Variants in KCNIP1 observed in about 807,000 individuals in gnomAD.
The protein encoded by KCNIP1 is potassium voltage-gated channel interacting protein 1.
A neutral mutation model predicts 33.0 loss-of-function variants in KCNIP1; 18 were observed. That is an observed-to-expected ratio of 0.55 (90% CI 0.38 to 0.81). The LOEUF (loss-of-function observed/expected upper bound fraction) is 0.81, where lower values mean the gene tolerates loss of function less well. Ranked by LOEUF, KCNIP1 falls within the 30% of genes least tolerant of loss-of-function variation. The pLI is 0.00. For missense variants in KCNIP1, 238 were observed against 271.6 expected (o/e 0.88, Z 0.87); for synonymous variants, 93 against 98.3 (o/e 0.95, Z 0.32).
chr5:170,508,212 C>T (rs928243121), intron 1 of KCNIP1, among the ~76,000 whole-genome samples: 3 of 152,208 alleles, frequency 2.0e-5, no homozygotes, highest in African/African-American at 7.2e-5. Flanking sequence ...GCATGCAGAA[C>T]TTTCTGAAAG....
At chr5:170,453,980 C>A (rs1267068090) in intron 1 of KCNIP1, among the ~76,000 whole-genome samples, 1 of 152,166 alleles carries the variant, frequency 6.6e-6, no homozygotes, top group African/African-American at 2.4e-5. Context: ...CTTGTGAGAC[C>A]TGGGGAAAAG....
intron 1 of KCNIP1, among the ~76,000 whole-genome samples, chr5:170,505,627 A>T (rs1581251054): frequency 6.6e-6 from 1 of 152,140 alleles, no homozygotes; most frequent in Non-Finnish European, 1.5e-5. Context: ...TAGAAGTGTA[A>T]TGGGGTAAGG....
At position 170,381,091 on chromosome 5, in the gene KCNIP1, G is replaced by T. The variant is rs1764220358; in HGVS notation, c.88+27127G>T. On this transcript the variant is annotated intron_variant, in intron 1 of 7. Transcript: ENST00000377360. ...TCTATGGATGAGCTCTGAAGTAGAG[G>T]CTTCTGTCCATCCTGGGCCTAGTGT... 2.6e-5 allele frequency among the ~76,000 whole-genome samples: 4 copies of T among 152,162 alleles called. 1 individual carries two copies. In the South Asian group the frequency reaches 8.3e-4, roughly 32 times the overall value.
intron 1 of KCNIP1, among the ~76,000 whole-genome samples, chr5:170,531,204 C>T (rs73313474): frequency 0.054 from 8,276 of 152,038 alleles, 760 homozygotes; most frequent in African/African-American, 0.19. Context: ...AGGGGATCAA[C>T]GAGGGGAATT....
chr5:170,631,364 C>T (rs1206955194), intron 1 of KCNIP1, among the ~76,000 whole-genome samples: 3 of 152,168 alleles, frequency 2.0e-5, no homozygotes, highest in Non-Finnish European at 4.4e-5. Context: ...GAGGGTGCAG[C>T]TGCTGTCCAC....
At chr5:170,524,824 G>A (rs1307151739) in intron 1 of KCNIP1, among the ~76,000 whole-genome samples, 2 of 152,154 alleles carry the variant, frequency 1.3e-5, no homozygotes, top group Non-Finnish European at 2.9e-5. Flanking sequence ...AGGCCCGGCT[G>A]CCCTGGCATG....
chr5:170,451,704 T>C (rs2113074527), intron 1 of KCNIP1, among the ~76,000 whole-genome samples: 1 of 149,920 alleles, frequency 6.7e-6, no homozygotes, highest in African/African-American at 2.5e-5. Context: ...TCCGGACAGT[T>C]GCTTCAGCTT....
intron 1 of KCNIP1, among the ~76,000 whole-genome samples, chr5:170,695,801 A>T (rs1762869939): frequency 6.6e-6 from 1 of 152,130 alleles, no homozygotes; most frequent in Non-Finnish European, 1.5e-5. Context: ...CGGGTGGATC[A>T]TGAGGTCAGG....
chr5:170,385,567 T>A, intron 1 of KCNIP1: 1 of 1,102,452 alleles, frequency 9.1e-7, no homozygotes, highest in Non-Finnish European at 1.3e-6. Flanking sequence ...ACTCAACTAT[T>A]AATATCACTC....
upstream of KCNIP1, among the ~76,000 whole-genome samples, chr5:170,501,359 AG>A (rs1490488678): frequency 6.6e-6 from 1 of 152,156 alleles, no homozygotes; most frequent in Non-Finnish European, 1.5e-5. Flanking sequence ...AGAAATAGTG[AG>A]GGGTCTGGGT....
At chr5:170,590,793 A>G (rs942052136) in intron 1 of KCNIP1, among the ~76,000 whole-genome samples, 1 of 152,238 alleles carries the variant, frequency 6.6e-6, no homozygotes, top group East Asian at 1.9e-4. Context: ...TCTCGTTGCC[A>G]TGGCAGCCAG....
intron 1 of KCNIP1, among the ~76,000 whole-genome samples, chr5:170,686,978 C>A (rs113570396): frequency 1.3e-5 from 2 of 152,006 alleles, no homozygotes; most frequent in Non-Finnish European, 2.9e-5. Context: ...TCCTGATCCA[C>A]GGTACTCCTC....
intron 1 of KCNIP1, among the ~76,000 whole-genome samples, chr5:170,450,039 T>G (rs898952474): frequency 6.6e-6 from 1 of 152,088 alleles, no homozygotes; most frequent in Non-Finnish European, 1.5e-5. Context: ...ATAAGTTAGT[T>G]TACTTAGGCC....
chr5:170,643,811 C>G (rs1760676948), intron 1 of KCNIP1, among the ~76,000 whole-genome samples: 1 of 152,240 alleles, frequency 6.6e-6, no homozygotes, highest in Non-Finnish European at 1.5e-5. Flanking sequence ...GCTGGGGGAC[C>G]ATGGGTCAGG....
intron 1 of KCNIP1, among the ~76,000 whole-genome samples, chr5:170,524,543 G>T (rs1171949858): frequency 6.6e-6 from 1 of 152,188 alleles, no homozygotes; most frequent in African/African-American, 2.4e-5. Context: ...CCATGGGGTT[G>T]TTGGGAGGAT....
chr5:170,408,615 G>A (rs1163512411), intron 1 of KCNIP1, among the ~76,000 whole-genome samples: 1 of 152,174 alleles, frequency 6.6e-6, no homozygotes, highest in Admixed American at 6.5e-5. Flanking sequence ...TCCTTCTCGG[G>A]CGATGAGAGA....
intron 1 of KCNIP1, among the ~76,000 whole-genome samples, chr5:170,475,912 G>A (rs1756848234): frequency 6.6e-6 from 1 of 151,984 alleles, no homozygotes; most frequent in Admixed American, 6.6e-5. Flanking sequence ...GTGACAAGTG[G>A]CCCATGCTTT....
intron 1 of KCNIP1, among the ~76,000 whole-genome samples, chr5:170,715,971 T>C (rs11134644): frequency 0.025 from 3,733 of 152,322 alleles, 66 homozygotes; most frequent in Non-Finnish European, 0.032. Flanking sequence ...TTACTGGGAC[T>C]ACCTGGGCTT....
chr5:170,393,122 C>T (rs1042028079), intron 1 of KCNIP1, among the ~76,000 whole-genome samples: 1 of 152,156 alleles, frequency 6.6e-6, no homozygotes, highest in African/African-American at 2.4e-5. Flanking sequence ...CACCTGTGCC[C>T]GCTGACTCCA....
Sources: allele counts gnomAD v4.1 joint callset (sites outside exome capture counted in the v4.1 genomes callset), GRCh38; gene constraint gnomAD v4.1.1; transcripts MANE v1.5; gene names NCBI Gene and HGNC (gene_info 2026-07-23, HGNC 2026-07-21).